Variants in FRMD3 observed in about 807,000 individuals in gnomAD.
FRMD3 encodes the protein FERM domain containing 3.
A neutral mutation model predicts 70.2 loss-of-function variants in FRMD3; 33 were observed. The observed-to-expected ratio is 0.47, with a 90% CI of 0.36 to 0.63. The LOEUF (loss-of-function observed/expected upper bound fraction) is 0.63. Ranked by LOEUF, FRMD3 falls within the 20% of genes least tolerant of loss-of-function variation. FRMD3 has a pLI of 0.00. For synonymous variants in FRMD3, 279 were observed against 255.9 expected, an observed-to-expected ratio of 1.09 and a Z score of -0.86; for missense variants, 632 against 711.4, an observed-to-expected ratio of 0.89 and a Z score of 1.27.
chr9:83,450,224 CACACAG>C (rs1462412674), intron 1 of FRMD3, among the ~76,000 whole-genome samples: 1 of 151,976 alleles, frequency 6.6e-6, no homozygotes. Flanking sequence ...CACACACACA[CACACAG>C]ACACACACAC....
At chr9:83,316,974 G>T (rs1241192642) in intron 6 of FRMD3, among the ~76,000 whole-genome samples, 2 of 152,096 alleles carry the variant, frequency 1.3e-5, no homozygotes, top group Non-Finnish European at 2.9e-5. Flanking sequence ...GGAGGCTAAG[G>T]TGGGAGGATC....
At chr9:83,426,205 C>T (rs1391427887) in intron 1 of FRMD3, among the ~76,000 whole-genome samples, 4 of 152,222 alleles carry the variant, frequency 2.6e-5, no homozygotes, top group African/African-American at 9.6e-5. Context: ...AAAGTGGAAC[C>T]AGCCCTTCAG....
At chr9:83,359,945 C>T (rs1296813766) in intron 3 of FRMD3, among the ~76,000 whole-genome samples, 2 of 152,186 alleles carry the variant, frequency 1.3e-5, no homozygotes, top group Non-Finnish European at 2.9e-5. Context: ...GGGAAGAAAC[C>T]AACATGGCTA....
At chr9:83,349,544 A>C (rs1564028471) in intron 4 of FRMD3, 135 bp downstream of exon 4, 1 of 593,294 alleles carries the variant, frequency 1.7e-6, no homozygotes, top group Non-Finnish European at 3.0e-6. Flanking sequence ...AAGCATTCCA[A>C]GCAAAAACGC....
chr9:83,275,953 T>G (rs1432183289), intron 13 of FRMD3: 1 of 152,218 alleles, frequency 6.6e-6, no homozygotes, highest in African/African-American at 2.4e-5. Context: ...CTTTGCACAG[T>G]GGCAGTATTG....
chr9:83,541,856 C>A (rs1219190335), upstream of FRMD3, among the ~76,000 whole-genome samples: 1 of 152,218 alleles, frequency 6.6e-6, no homozygotes, highest in Admixed American at 6.5e-5. Context: ...ACCAGGTGAA[C>A]AAAGGCCAGG....
intron 6 of FRMD3, among the ~76,000 whole-genome samples, chr9:83,316,094 G>A (rs888506764): frequency 1.3e-5 from 2 of 151,382 alleles, no homozygotes; most frequent in Non-Finnish European, 2.9e-5. Flanking sequence ...TTATCCATAA[G>A]GACTCGGTGA....
chr9:83,416,018 T>A (rs898652958), intron 1 of FRMD3, among the ~76,000 whole-genome samples: 1 of 152,180 alleles, frequency 6.6e-6, no homozygotes, highest in Non-Finnish European at 1.5e-5. Context: ...TGGGAAAGGT[T>A]ATGTTCCCCT....
At chr9:83,436,922 C>A (rs939657008) in intron 1 of FRMD3, among the ~76,000 whole-genome samples, 1 of 152,110 alleles carries the variant, frequency 6.6e-6, no homozygotes, top group Non-Finnish European at 1.5e-5. Flanking sequence ...GGAGGCAGTG[C>A]CCAAGCTACA....
intron 1 of FRMD3, among the ~76,000 whole-genome samples, chr9:83,446,641 G>C (rs1463225754): frequency 1.3e-4 from 16 of 121,016 alleles, no homozygotes; most frequent in African/African-American, 3.7e-4. Context: ...AGCAAGACTC[G>C]GTCTCAAAAA....
Position 83,348,226 on chromosome 9 carries a change from C to T in FRMD3, c.374+1453G>A, listed in dbSNP as rs950446657. On this transcript the variant is annotated intron_variant, in intron 4 of 13. Coordinates refer to ENST00000304195, the MANE Select transcript of FRMD3 (RefSeq NM_174938.6). Reference sequence around the variant, plus strand: ...CTGAGGGCAGGAAAAATAGCTCGCTCGCTCTCTCCTCTCTCTCTCTCTTCT... The same window carrying T: ...CTGAGGGCAGGAAAAATAGCTCGCTTGCTCTCTCCTCTCTCTCTCTCTTCT... Among the ~76,000 whole-genome samples the T allele has an allele frequency of 5.9e-5, 9 of 152,158 alleles. No homozygotes were observed. The South Asian group carries it at 1.2e-3, about 21-fold the overall frequency.
the FRMD3 span, among the ~76,000 whole-genome samples, chr9:83,585,240 A>T: frequency 3.9e-5 from 6 of 152,144 alleles, no homozygotes; most frequent in Non-Finnish European, 8.8e-5. Context: ...AATGGAGCCC[A>T]CTCAGCCAGG....
intron 1 of FRMD3, among the ~76,000 whole-genome samples, chr9:83,430,161 T>C (rs1826930039): frequency 6.6e-6 from 1 of 152,194 alleles, no homozygotes; most frequent in Non-Finnish European, 1.5e-5. Context: ...TGAAACAACT[T>C]CAAGAGACAC....
chr9:83,426,628 G>A (rs116145898), intron 1 of FRMD3, among the ~76,000 whole-genome samples: 2 of 152,354 alleles, frequency 1.3e-5, no homozygotes, highest in African/African-American at 2.4e-5. Context: ...GAGGATAAGT[G>A]GGAGGAGGCA....
At position 83,335,521 on chromosome 9, in the gene FRMD3, T is replaced by C; in HGVS notation, c.591A>G (p.Glu197=). The change falls in exon 6 of 14, where the codon GAA becomes GAG. Residue 197 remains glutamate (E), a synonymous_variant. Transcript: ENST00000304195. ...ERKIVEIHKN[E]LRGQSPPVAE... ...AATGTCTACTCAGTAATTACCTGAG[T>C]TCATTTTTATGAATTTCCACTATTT... The C allele has an allele frequency of 6.2e-7, 1 of 1,611,900 alleles. No individual in the cohort carries two copies. Among genetic ancestry groups the C allele is most frequent in the Non-Finnish European group, 8.5e-7 (1 of 1,178,484 alleles).
intron 1 of FRMD3, among the ~76,000 whole-genome samples, chr9:83,415,154 G>A (rs1169646875): frequency 6.6e-6 from 1 of 152,204 alleles, no homozygotes; most frequent in Non-Finnish European, 1.5e-5. Flanking sequence ...GGAGCCAGGG[G>A]AGAAATACTC....
At position 83,479,113 on chromosome 9, in the gene FRMD3, A is replaced by G. The variant is rs79540929; in HGVS notation, c.147+58972T>C. On this transcript the variant is annotated intron_variant, in intron 1 of 13. Transcript: ENST00000304195. ...CAGTACCAAACTAGGAACTAGGCAC[A>G]CACAGGCATGTCACAGGAGAGGAAA... is the stretch of plus-strand genomic sequence containing the variant. Among the ~76,000 whole-genome samples the G allele has an allele frequency of 2.6e-3, 398 of 152,184 alleles. 14 individuals are homozygous for G. The East Asian group carries it at 0.065, about 25-fold the overall frequency.
At chr9:83,513,115 T>C (rs1483629306) in intron 1 of FRMD3, among the ~76,000 whole-genome samples, 2 of 152,190 alleles carry the variant, frequency 1.3e-5, no homozygotes, top group Non-Finnish European at 1.5e-5. Flanking sequence ...CCCACATTCA[T>C]AGAGGCATTC....
rs182374670 is a variant in FRMD3, at chr9:83,419,188, T to C, written c.148-29480A>G. Among the ~76,000 whole-genome samples the C allele has an allele frequency of 1.7e-4, 26 of 152,260 alleles. No individual in the cohort carries two copies. In the East Asian group the frequency reaches 4.8e-3, roughly 28 times the overall value. ...TTAAAAACTACATATTGGTACAATG[T>C]ACACTACTCTAGTTACAGGGCACTA... On this transcript the variant is annotated intron_variant, in intron 1 of 13. Transcript: ENST00000304195.
Sources: allele counts gnomAD v4.1 joint callset (sites outside exome capture counted in the v4.1 genomes callset), GRCh38; gene constraint gnomAD v4.1.1; transcripts MANE v1.5; gene names NCBI Gene and HGNC (gene_info 2026-07-23, HGNC 2026-07-21).